Variants in OPCML observed in about 807,000 individuals in gnomAD.
The protein encoded by OPCML is opioid-binding protein/cell adhesion molecule.
OPCML carries 13 observed loss-of-function variants against 37.8 expected under a neutral mutation model. That is an observed-to-expected ratio of 0.34 (90% CI 0.22 to 0.55). OPCML has a LOEUF of 0.55. Ranked by LOEUF, OPCML falls within the 20% of genes least tolerant of loss-of-function variation. The pLI, the probability that OPCML is intolerant of heterozygous loss-of-function variation, is 0.91. For synonymous variants in OPCML, 176 were observed against 168.8 expected (o/e 1.04, Z -0.33); for missense variants, 341 against 435.6 (o/e 0.78, Z 1.93).
chr11:133,113,028 C>T (rs1949281084), intron 1 of OPCML, among the ~76,000 whole-genome samples: 1 of 152,110 alleles, frequency 6.6e-6, no homozygotes, highest in South Asian at 2.1e-4. Flanking sequence ...ATATATATGC[C>T]CCTTTCATCT....
intron 4 of OPCML, among the ~76,000 whole-genome samples, chr11:132,438,548 G>A (rs377281739): frequency 1.4e-4 from 22 of 152,030 alleles, no homozygotes; most frequent in African/African-American, 5.1e-4. Context: ...GGGATGGTGT[G>A]CAAGTGTATA....
chr11:133,169,390 G>T (rs1274068040), intron 1 of OPCML, among the ~76,000 whole-genome samples: 2 of 152,134 alleles, frequency 1.3e-5, no homozygotes, highest in Non-Finnish European at 2.9e-5. Flanking sequence ...TAAATAGCAT[G>T]CACAGATGAG....
intron 2 of OPCML, among the ~76,000 whole-genome samples, chr11:132,761,992 T>G (rs1276371381): frequency 2.6e-5 from 4 of 152,220 alleles, no homozygotes; most frequent in African/African-American, 9.6e-5. Flanking sequence ...GATGGGTTTT[T>G]GCGTGGGTGT....
At chr11:133,413,366 G>A (rs962062758) in intron 1 of OPCML, among the ~76,000 whole-genome samples, 1 of 151,858 alleles carries the variant, frequency 6.6e-6, no homozygotes, top group Non-Finnish European at 1.5e-5. Flanking sequence ...ATTGGGAGAT[G>A]TACCTAATGC....
At chr11:133,060,428 T>C (rs1052764614) in intron 1 of OPCML, among the ~76,000 whole-genome samples, 2 of 152,208 alleles carry the variant, frequency 1.3e-5, no homozygotes, top group African/African-American at 4.8e-5. Context: ...TATAGTCACA[T>C]GTAGAAGACA....
At chr11:132,465,140 A>G (rs1419980939) in intron 4 of OPCML, among the ~76,000 whole-genome samples, 1 of 152,172 alleles carries the variant, frequency 6.6e-6, no homozygotes, top group Non-Finnish European at 1.5e-5. Context: ...CCCCCTTGTG[A>G]CAGGCATTTA....
chr11:133,081,876 A>G (rs187220793), intron 1 of OPCML, among the ~76,000 whole-genome samples: 1,552 of 147,772 alleles, frequency 0.011, 14 homozygotes, highest in Non-Finnish European at 0.015. Flanking sequence ...CCTTCTCAGC[A>G]GCCTTCAGCC....
At chr11:132,876,275 G>A (rs1253011741) in intron 2 of OPCML, among the ~76,000 whole-genome samples, 1 of 152,184 alleles carries the variant, frequency 6.6e-6, no homozygotes, top group Admixed American at 6.5e-5. Flanking sequence ...AGAAGGAGGG[G>A]CAATTTGAGG....
At chr11:133,232,615 G>T (rs1410303011) in intron 1 of OPCML, among the ~76,000 whole-genome samples, 1 of 152,056 alleles carries the variant, frequency 6.6e-6, no homozygotes, top group Non-Finnish European at 1.5e-5. Context: ...ATCCTGTTAT[G>T]TGACACAGCA....
At chr11:133,320,395 G>A (rs530794041) in intron 1 of OPCML, among the ~76,000 whole-genome samples, 64 of 152,082 alleles carry the variant, frequency 4.2e-4, no homozygotes, top group Non-Finnish European at 7.4e-4. Context: ...CTTATCCTGC[G>A]TGAGGCCTTT....
At chr11:132,433,606 T>C (rs901181367) in intron 7 of OPCML, among the ~76,000 whole-genome samples, 1 of 152,200 alleles carries the variant, frequency 6.6e-6, no homozygotes, top group Non-Finnish European at 1.5e-5. Flanking sequence ...TACTACCGAA[T>C]GTCTATGTTG....
rs370816090 is a variant in OPCML at position 132,874,524 on chromosome 11, A to C, written c.146+68402T>G. Among the ~76,000 whole-genome samples the C allele has an allele frequency of 6.6e-5, 10 of 150,646 alleles. No individual in the cohort carries two copies. In the South Asian group the frequency reaches 1.0e-3, roughly 16 times the overall value. On this transcript the variant is annotated intron_variant, in intron 2 of 7. Transcript: ENST00000524381. The stretch of plus-strand genomic sequence containing the variant: ...TAAACTGTCTTCTTGGAAATGATGC[A>C]CCTCAACCTCAAGCTACAAGGGAAT...
chr11:133,523,449 A>C (rs1948432867), intron 1 of OPCML, among the ~76,000 whole-genome samples: 1 of 152,116 alleles, frequency 6.6e-6, no homozygotes, highest in Non-Finnish European at 1.5e-5. Flanking sequence ...TCTCCATTCC[A>C]ACCAATATTT....
In OPCML at chr11:133,272,486, AT is replaced by A. The variant is rs1335005534; in HGVS notation, c.61+259777del. Among the ~76,000 whole-genome samples, 5 of 152,296 alleles carry A rather than the reference AT, an allele frequency of 3.3e-5. No individual in the cohort carries two copies. In the East Asian group the frequency reaches 9.7e-4, roughly 30 times the overall value. ...ATACAGAACACCACCTCGAAACAGT[AT>A]TCCCTGTCAGGGAGTTATATTTCTA... On this transcript the variant is annotated intron_variant, in intron 1 of 7. Transcript: ENST00000524381.
chr11:132,527,949 C>A (rs1174251889), intron 4 of OPCML, among the ~76,000 whole-genome samples: 2 of 152,042 alleles, frequency 1.3e-5, no homozygotes, highest in African/African-American at 2.4e-5. Flanking sequence ...ACAAGTCAAG[C>A]AATGCCAGTG....
At chr11:133,503,846 C>G (rs74563525) in intron 1 of OPCML, among the ~76,000 whole-genome samples, 5 of 152,158 alleles carry the variant, frequency 3.3e-5, no homozygotes, top group Non-Finnish European at 5.9e-5. Flanking sequence ...GGAAAGCAGA[C>G]CTGGCCCCAT....
chr11:133,317,258 A>T (rs1943225645), intron 1 of OPCML, among the ~76,000 whole-genome samples: 1 of 152,226 alleles, frequency 6.6e-6, no homozygotes, highest in Non-Finnish European at 1.5e-5. Context: ...TACCATCATT[A>T]TTCTACGATC....
intron 2 of OPCML, among the ~76,000 whole-genome samples, chr11:132,759,988 G>A (rs997266744): frequency 3.3e-5 from 5 of 152,110 alleles, no homozygotes; most frequent in African/African-American, 7.2e-5. Flanking sequence ...AGAGATTCTG[G>A]TATCTTGTGT....
At chr11:133,531,462 A>G (rs1025272765) in intron 1 of OPCML, among the ~76,000 whole-genome samples, 2 of 152,258 alleles carry the variant, frequency 1.3e-5, no homozygotes, top group Admixed American at 1.3e-4. Flanking sequence ...CTCAGCAGGG[A>G]CATCCCAAAT....
Sources: allele counts gnomAD v4.1 joint callset (sites outside exome capture counted in the v4.1 genomes callset), GRCh38; gene constraint gnomAD v4.1.1; transcripts MANE v1.5; gene names NCBI Gene and HGNC (gene_info 2026-07-23, HGNC 2026-07-21).